Variants in ADCY3 observed in about 807,000 individuals in gnomAD.
The protein encoded by ADCY3 is adenylate cyclase 3.
ADCY3 carries 70 observed loss-of-function variants against 119.4 expected under a neutral mutation model. The ratio of observed to expected loss-of-function variants is 0.59; its 90% CI spans 0.48 to 0.72. The LOEUF (loss-of-function observed/expected upper bound fraction) is 0.72, where lower values mean the gene tolerates loss of function less well. ADCY3 is among the 30% of genes least tolerant of loss of function. The pLI, the probability that ADCY3 is intolerant of heterozygous loss-of-function variation, is 0.00. For synonymous variants in ADCY3, 672 were observed against 621.4 expected, an observed-to-expected ratio of 1.08 and a Z score of -1.21; for missense variants, 1,238 against 1,541.6, an observed-to-expected ratio of 0.80 and a Z score of 3.30.
rs751678457 is a variant in ADCY3, at chr2:24,826,052, GAGA to G, written c.2567_2569del (p.Phe856del). 4 of 1,614,094 alleles carry G rather than the reference GAGA, an allele frequency of 2.5e-6. No individual in the cohort carries two copies. The highest frequency in any genetic ancestry group is 1.1e-5 in the South Asian group (1 of 91,066). ...CGTGCAGGCGGCACTCACGTGGCGG[GAGA>G]AGTAGTAGAAGCTGAGCATCATGAG... On this transcript the variant is annotated inframe_deletion, in exon 16 of 22. Transcript: ENST00000679454.
chr2:24,918,538 C>T lies in ADCY3; in HGVS notation c.450G>A (p.Gln150=). ...AGTTCAGGCCCAGGTAGGAGAAGAT[C>T]TGGGCGGTTATGAGCAGCCACAGCA... ...PYVLWLLITA[Q]IFSYLGLNFA... is the part of the protein sequence containing the mutation. The change falls in exon 2 of 22, where the codon CAG becomes CAA. Residue 150 remains glutamine, a synonymous_variant. Transcript: ENST00000679454. This position sits in a 1 kb window ranked among gnomAD's most constrained non-coding sequence, Gnocchi z 5.4. 6.2e-7 allele frequency: 1 copy of T among 1,614,002 alleles called. No individual in the cohort carries two copies. Among genetic ancestry groups the T allele is most frequent in the Non-Finnish European group, 8.5e-7 (1 of 1,179,940 alleles).
intron 3 of ADCY3, among the ~76,000 whole-genome samples, chr2:24,844,962 T>C (rs746731073): frequency 1.3e-5 from 2 of 152,214 alleles, no homozygotes; most frequent in Non-Finnish European, 2.9e-5. Context: ...AGTGAATAAA[T>C]GTCACGAGAT....
rs746546561 is a variant in ADCY3 at position 24,872,676 on chromosome 2, C to A, written c.719G>T (p.Gly240Val). 4 of 1,614,170 alleles carry A rather than the reference C, an allele frequency of 2.5e-6. No homozygotes were observed. The highest frequency in any genetic ancestry group is 3.4e-6 in the Non-Finnish European group (4 of 1,180,034). ...VFLYLCAIAVGIMSYYMADRK... is the reference protein window; with the variant it reads ...VFLYLCAIAVVIMSYYMADRK... The stretch of plus-strand genomic sequence containing the variant: ...GTCAGCCATGTAGTAGGACATGATG[C>A]CCACAGCGATGGCGCACAGGTAGAG... The change falls in exon 3 of 22, where the codon GGC (glycine) becomes GTC (valine). Residue 240 changes from glycine (G) to valine (V), a missense_variant. By Grantham distance (109) the Gly-to-Val change is moderately radical. Coordinates refer to ENST00000679454, the MANE Select transcript of ADCY3 (RefSeq NM_004036.5). This position sits in a 1 kb window ranked among gnomAD's most constrained non-coding sequence, Gnocchi z 4.4.
intron 3 of ADCY3, among the ~76,000 whole-genome samples, chr2:24,862,148 G>A (rs1373216404): frequency 6.6e-6 from 1 of 151,724 alleles, no homozygotes; most frequent in Non-Finnish European, 1.5e-5. Context: ...ACAAGGTGAG[G>A]CTGGAGCATA....
chr2:24,845,151 G>A (rs750398700), intron 3 of ADCY3, among the ~76,000 whole-genome samples: 3 of 152,150 alleles, frequency 2.0e-5, no homozygotes, highest in South Asian at 2.1e-4. Flanking sequence ...TATCAGCAGC[G>A]TGAAAACGGA....
intron 16 of ADCY3, 169 bp downstream of exon 16, chr2:24,825,876 A>G: frequency 1.6e-6 from 1 of 643,766 alleles, no homozygotes. Context: ...TGTGTGACTG[A>G]GGAAGGAGCC....
intron 18 of ADCY3, 80 bp from the exon 19 acceptor site, chr2:24,822,710 A>G (rs1558398532): frequency 1.3e-6 from 2 of 1,565,122 alleles, no homozygotes; most frequent in East Asian, 4.6e-5. Context: ...GTACCTGTTT[A>G]CAAGGACCCC....
intron 2 of ADCY3, among the ~76,000 whole-genome samples, chr2:24,893,023 C>T (rs1677868645): frequency 4.1e-5 from 6 of 145,660 alleles, no homozygotes; most frequent in South Asian, 2.2e-4. Flanking sequence ...TACTTTTAAT[C>T]TATGTGTCTT....
chr2:24,863,371 G>C (rs1364174298), intron 3 of ADCY3, among the ~76,000 whole-genome samples: 43 of 152,194 alleles, frequency 2.8e-4, no homozygotes, highest in Admixed American at 2.7e-3. Flanking sequence ...GATGCATCCA[G>C]CTCTCCAACA....
At chr2:24,852,922 C>T (rs1378951498) in intron 3 of ADCY3, among the ~76,000 whole-genome samples, 8 of 152,112 alleles carry the variant, frequency 5.3e-5, no homozygotes, top group African/African-American at 1.9e-4. Flanking sequence ...GGGGAAGCCA[C>T]GGACCGTGAG....
intron 2 of ADCY3, among the ~76,000 whole-genome samples, chr2:24,913,690 C>G (rs1368778237): frequency 6.6e-6 from 1 of 152,198 alleles, no homozygotes; most frequent in Non-Finnish European, 1.5e-5. Flanking sequence ...TCAGTTTCCT[C>G]TCACCCTCCC....
At chr2:24,887,599 C>A (rs747603263) in intron 2 of ADCY3, among the ~76,000 whole-genome samples, 2 of 151,940 alleles carry the variant, frequency 1.3e-5, no homozygotes, top group Non-Finnish European at 2.9e-5. Context: ...GCTCTGTGGG[C>A]CCCCATGACC....
chr2:24,822,381 C>T lies in ADCY3; in HGVS notation c.3003+130G>A, dbSNP rs76214700. ...AAACCCTATTTCTTATTTATATTTACGTGGTGCTGGTGGTGTGTGTCTGGG... is the reference window on the plus strand; with the variant it reads ...AAACCCTATTTCTTATTTATATTTATGTGGTGCTGGTGGTGTGTGTCTGGG... On this transcript the variant is annotated intron_variant, in intron 19 of 21. Coordinates refer to ENST00000679454, the MANE Select transcript of ADCY3 (RefSeq NM_004036.5). 8,948 of 1,261,674 alleles carry T rather than the reference C, an allele frequency of 7.1e-3. 354 individuals are homozygous for T. The African/African-American group carries it at 0.11, about 15-fold the overall frequency. 78.2% of individuals were successfully genotyped at this position (1,261,674 alleles called of 1,614,324 possible). A position where few individuals can be genotyped will look rare whatever the true frequency, so the allele number is the denominator to read the frequency against.
Position 24,823,306 on chromosome 2 carries a change from A to G in ADCY3, c.2786T>C (p.Leu929Pro). 1.2e-6 allele frequency: 2 copies of G among 1,613,860 alleles called. No homozygotes were observed. The highest frequency in any genetic ancestry group is 1.7e-6 in the Non-Finnish European group (2 of 1,179,966). ...YDEIGVMFAS[L>P]PNFADFYTEE... is the part of the protein sequence containing the mutation. ...TGTGTAGAAGTCAGCAAAGTTGGGCAGGGAGGCAAACATGACTCCAATCTC... is the reference window on the plus strand; with the variant it reads ...TGTGTAGAAGTCAGCAAAGTTGGGCGGGGAGGCAAACATGACTCCAATCTC... Residue 929 changes from leucine (L) to proline (P), a missense_variant, in exon 18 of 22, where the codon CTG becomes CCG. Physicochemically the swap from Leu to Pro is moderately conservative, Grantham distance 98. Coordinates refer to ENST00000679454, the MANE Select transcript of ADCY3 (RefSeq NM_004036.5).
chr2:24,875,448 G>T (rs575039915), intron 2 of ADCY3, among the ~76,000 whole-genome samples: 67 of 152,360 alleles, frequency 4.4e-4, no homozygotes, highest in African/African-American at 1.5e-3. Context: ...AATCCCACTG[G>T]GTGATGCTGC....
intron 2 of ADCY3, among the ~76,000 whole-genome samples, chr2:24,877,506 A>G (rs550947298): frequency 6.6e-6 from 1 of 152,308 alleles, no homozygotes; most frequent in Admixed American, 6.5e-5. Flanking sequence ...ACATTTTGGG[A>G]GTGATCTAGA....
At chr2:24,856,180 AGT>A (rs111720839) in intron 3 of ADCY3, among the ~76,000 whole-genome samples, 265 of 151,578 alleles carry the variant, frequency 1.7e-3, no homozygotes, top group African/African-American at 6.1e-3. Context: ...GAATGTGGAG[AGT>A]GTGTGTGTGT....
At position 24,842,728 on chromosome 2, in the gene ADCY3, A is replaced by T. The variant is rs930726016; in HGVS notation, c.826-344T>A. On this transcript the variant is annotated intron_variant, in intron 3 of 21. Transcript: ENST00000679454. The surrounding 1 kb of genome is among the most constrained non-coding windows in gnomAD (Gnocchi z 4.9). ...CTGCACCGTGAGCCCTCCCGGCAGG[A>T]GCCCTGCGGGGTCACCTCAGCCACC... is the stretch of plus-strand genomic sequence containing the variant. 1 of 300,904 alleles carries T rather than the reference A, an allele frequency of 3.3e-6. No individual in the cohort carries two copies. The highest frequency in any genetic ancestry group is 2.1e-5 in the African/African-American group (1 of 46,874). The allele number at this position is 300,904 out of a possible 1,614,324, so 18.6% of individuals were successfully genotyped here.
At chr2:24,827,712 A>T (rs1435163860) in intron 14 of ADCY3, 104 bp from the exon 15 acceptor site, 1 of 1,425,640 alleles carries the variant, frequency 7.0e-7, no homozygotes, top group Admixed American at 2.0e-5. Context: ...GGAGAATGGG[A>T]AGAATCTATT....
Sources: gnomAD v4.1 joint callset for allele counts (sites outside exome capture counted in the v4.1 genomes callset) on GRCh38, gnomAD v4.1.1 for gene constraint, Gnocchi (gnomAD v3.1) non-coding constraint, MANE v1.5 for transcripts, NCBI Gene and HGNC (gene_info 2026-07-23, HGNC 2026-07-21) for gene names.